The following PIDD1 variants were observed in gnomAD, a reference collection of about 807,000 sequenced individuals.
The protein encoded by PIDD1 is p53-induced death domain-containing protein 1.
A neutral mutation model predicts 80.0 loss-of-function variants in PIDD1; 72 were observed. The ratio of observed to expected loss-of-function variants is 0.90; its 90% confidence interval spans 0.74 to 1.09. The LOEUF (loss-of-function observed/expected upper bound fraction) is 1.09, where lower values mean the gene tolerates loss of function less well. PIDD1 is among the 50% of genes least tolerant of loss of function. PIDD1 has a pLI of 0.00. For missense variants in PIDD1, 1,329 were observed against 1,228.3 expected (o/e 1.08, Z -1.23); for synonymous variants, 655 against 543.5 (o/e 1.21, Z -2.85).
At position 800,631 on chromosome 11, in the gene PIDD1, G is replaced by A. The variant is rs1865213482; in HGVS notation, c.1953C>T (p.Tyr651=). The A allele has an allele frequency of 6.3e-7, 1 of 1,598,078 alleles. No individual in the cohort carries two copies. The highest frequency in any genetic ancestry group is 8.5e-7 in the Non-Finnish European group (1 of 1,177,474). ...CCGTGTCAGAGGGCTCGGGGCCCCG[G>A]TACCGCTCCAGCAGCCGCCGAAGGG... ...DATLRRLLER[Y]RGPEPSDTVE... The change falls in exon 12 of 16, where the codon TAC becomes TAT. Residue 651 remains tyrosine, a synonymous_variant. Transcript: ENST00000347755.
In PIDD1 at chr11:802,717, AG is replaced by A; in HGVS notation, c.883del (p.Leu295TrpfsTer25). 4 of 1,611,924 alleles carry A rather than the reference AG, an allele frequency of 2.5e-6. No homozygotes were observed. The highest frequency in any genetic ancestry group is 3.4e-6 in the Non-Finnish European group (4 of 1,179,452). ...CGGGGCGTCTGGCGAGGCCTCACCC[AG>A]GGGGTTCCCCTGCAGGCGCACAAAG... ...APFVRLQGNP[L>X]GEASPDAPSS... On this transcript the variant is annotated frameshift_variant, in exon 4 of 16. Coordinates refer to ENST00000347755, the MANE Select transcript of PIDD1 (RefSeq NM_145886.4). LOFTEE classifies it high-confidence loss of function.
In PIDD1 at chr11:803,300, T is replaced by C; in HGVS notation, c.583A>G (p.Thr195Ala). 2 of 1,613,160 alleles carry C rather than the reference T, an allele frequency of 1.2e-6. No homozygotes were observed. The highest frequency in any genetic ancestry group is 2.2e-5 in the South Asian group (2 of 91,038). ...TLPPALGALS[T>A]LQRLDLSQNL... is the part of the protein sequence containing the mutation. ...TGAGAGAGATCGAGGCGCTGCAGGGTGGATAGGGCCCCCAGTGCTGGGGGC... is the reference window on the plus strand; with the variant it reads ...TGAGAGAGATCGAGGCGCTGCAGGGCGGATAGGGCCCCCAGTGCTGGGGGC... The change falls in exon 3 of 16, where the codon ACC becomes GCC. Residue 195 changes from threonine to alanine, a missense_variant. By Grantham distance (58) the Thr-to-Ala change is moderately conservative. Coordinates refer to ENST00000347755, the MANE Select transcript of PIDD1 (RefSeq NM_145886.4).
At chr11:805,774 CT>C, upstream of PIDD1, 1 of 728,572 alleles carries the variant, frequency 1.4e-6, no homozygotes, top group East Asian at 1.3e-4. Context: ...GCACTGTCTC[CT>C]TCAATCGCGC....
chr11:803,852 G>C (rs1865578905), intron 2 of PIDD1: 1 of 622,942 alleles, frequency 1.6e-6, no homozygotes, highest in Non-Finnish European at 2.8e-6. Context: ...GGTCTGGAGA[G>C]ACCCCCACTG....
chr11:804,086 G>A lies in PIDD1; in HGVS notation c.295+8C>T, dbSNP rs778725991. 3.1e-6 allele frequency: 5 copies of A among 1,601,130 alleles called. No homozygotes were observed. In the African/African-American group the frequency reaches 6.7e-5, roughly 21 times the overall value. ...ATGGAGACAGGGCCCAGAACAGGTG[G>A]AACTCACCTTTGAGGACCAGGGAGC... On this transcript the variant is annotated splice_region_variant and intron_variant, in intron 2 of 15. Coordinates refer to ENST00000347755, the MANE Select transcript of PIDD1 (RefSeq NM_145886.4).
intron 2 of PIDD1, 35 bp downstream of exon 2, chr11:804,059 A>T: frequency 6.4e-7 from 1 of 1,566,056 alleles, no homozygotes; most frequent in Non-Finnish European, 8.7e-7. Context: ...GCAGAGCGAG[A>T]GATGGAGACA....
At chr11:803,894 G>C in intron 2 of PIDD1, 200 bp downstream of exon 2, 2 of 677,422 alleles carry the variant, frequency 3.0e-6, no homozygotes, top group Admixed American at 5.9e-5. Flanking sequence ...CCAGGGCCCA[G>C]CCAGCCCCAC....
Position 801,091 on chromosome 11 carries a change from G to C in PIDD1, c.1660C>G (p.Leu554Val), listed in dbSNP as rs781392652. The change falls in exon 10 of 16, where the codon CTG becomes GTG. Residue 554 changes from leucine to valine, a missense_variant. Coordinates refer to ENST00000347755, the MANE Select transcript of PIDD1 (RefSeq NM_145886.4). ...GCTGCAGGAGGGGCCCAGTACAACAGGTGCAGGCGGGAGCGGTCCAGACTG... is the reference window on the plus strand; with the variant it reads ...GCTGCAGGAGGGGCCCAGTACAACACGTGCAGGCGGGAGCGGTCCAGACTG... ...GLSLDRSRLH[L>V]LYWAPPAATW... is the part of the protein sequence containing the mutation. 4.4e-6 allele frequency: 7 copies of C among 1,583,942 alleles called. No homozygotes were observed. In the East Asian group the frequency reaches 6.8e-5, roughly 15 times the overall value.
chr11:802,707 G>A lies in PIDD1; in HGVS notation c.894C>T (p.Ala298=). The A allele has an allele frequency of 6.2e-7, 1 of 1,611,618 alleles. No homozygotes were observed. Among genetic ancestry groups the A allele is most frequent in the Non-Finnish European group, 8.5e-7 (1 of 1,179,192 alleles). Reference sequence around the variant, plus strand: ...CTGGTGAACTCGGGGCGTCTGGCGAGGCCTCACCCAGGGGGTTCCCCTGCA... The same window carrying A: ...CTGGTGAACTCGGGGCGTCTGGCGAAGCCTCACCCAGGGGGTTCCCCTGCA... ...VRLQGNPLGE[A]SPDAPSSPVA... is the part of the protein sequence containing the mutation. The change falls in exon 4 of 16, where the codon GCC becomes GCT. Residue 298 remains alanine (A), a synonymous_variant. Coordinates refer to ENST00000347755, the MANE Select transcript of PIDD1 (RefSeq NM_145886.4).
chr11:805,361 C>G (rs1865715318), upstream of PIDD1: 1 of 417,698 alleles, frequency 2.4e-6, no homozygotes, highest in East Asian at 1.6e-4. Flanking sequence ...CCTCCCCGAC[C>G]CGCCTTCCCT....
rs774047344 is a variant in PIDD1 at position 801,330 on chromosome 11, G to A, written c.1518C>T (p.Leu506=). 9 of 1,608,374 alleles carry A rather than the reference G, an allele frequency of 5.6e-6. No homozygotes were observed. The highest frequency in any genetic ancestry group is 7.6e-6 in the Non-Finnish European group (9 of 1,177,600). The change falls in exon 9 of 16, where the codon CTC becomes CTT. Residue 506 remains leucine (L), a synonymous_variant. Transcript: ENST00000347755. ...TCACTGCAGCCTCTGGTTCTCCCAG[G>A]AGGGCCTGCAGCTCTCGGCCAGCCA... ...VRMAGRELQA[L]LGEPEAAVSP...
At chr11:803,073 C>T (rs1865508194) in intron 3 of PIDD1, 101 bp downstream of exon 3, 3 of 1,017,012 alleles carry the variant, frequency 2.9e-6, no homozygotes, top group Middle Eastern at 3.1e-4. Context: ...CAAGAGGCAG[C>T]TGTGGACCAA....
In PIDD1 at chr11:799,845, C is replaced by G. The variant is rs753073557; in HGVS notation, c.2444G>C (p.Arg815Pro). ...AVALHLGVSY[R>P]EVQRIRHEFR... ...CTCGTGCCGGATGCGCTGCACCTCC[C>G]GGTAGGACACCCCCAGGTGCAGGGC... is the stretch of plus-strand genomic sequence containing the variant. Residue 815 changes from arginine (R) to proline (P), a missense_variant, in exon 15 of 16, where the codon CGG becomes CCG. By Grantham distance (103) the Arg-to-Pro change is moderately radical (BLOSUM62 -2). Transcript: ENST00000347755. The G allele has an allele frequency of 8.7e-6, 14 of 1,605,074 alleles. No individual in the cohort carries two copies. The highest frequency in any genetic ancestry group is 1.2e-5 in the Non-Finnish European group (14 of 1,176,726).
chr11:799,353 A>C lies in PIDD1; in HGVS notation c.2687T>G (p.Leu896Arg). The C allele has an allele frequency of 6.2e-7, 1 of 1,610,656 alleles. No individual in the cohort carries two copies. The highest frequency in any genetic ancestry group is 8.5e-7 in the Non-Finnish European group (1 of 1,179,438). The change falls in exon 16 of 16, where the codon CTG (leucine) becomes CGG (arginine). Residue 896 changes from leucine (L) to arginine (R), a missense_variant. By Grantham distance (102) the Leu-to-Arg change is moderately radical. Coordinates refer to ENST00000347755, the MANE Select transcript of PIDD1 (RefSeq NM_145886.4). ...RMGLAPKDPA[L>R]PGSSAPQPPE... ...GGGCTGTGGAGCCGAGGAGCCAGGC[A>C]GAGCGGGGTCCTTGGGGGCCAAGCC...
chr11:800,041 C>G (rs1693908634), intron 14 of PIDD1, 27 bp from the exon 15 acceptor site: 2 of 1,610,046 alleles, frequency 1.2e-6, no homozygotes, highest in Non-Finnish European at 1.7e-6. Flanking sequence ...GTGCATTAAG[C>G]CCTGGGCTCC....
chr11:800,778 C>T lies in PIDD1; in HGVS notation c.1901G>A (p.Cys634Tyr). The T allele has an allele frequency of 6.4e-7, 1 of 1,550,608 alleles. No individual in the cohort carries two copies. Among genetic ancestry groups the T allele is most frequent in the Non-Finnish European group, 8.7e-7 (1 of 1,147,804 alleles). ...RRDPEQVLLQ[C>Y]LPRNKVDATL... is the part of the protein sequence containing the mutation. ...TGCCCCCACCTTGTTTCGGGGCAGGCACTGCAGCAGGACCTGCTCAGGGTC... is the reference window on the plus strand; with the variant it reads ...TGCCCCCACCTTGTTTCGGGGCAGGTACTGCAGCAGGACCTGCTCAGGGTC... The change falls in exon 11 of 16, where the codon TGC becomes TAC. Residue 634 changes from cysteine (C) to tyrosine (Y), a missense_variant. By Grantham distance (194) the Cys-to-Tyr change is radical. Coordinates refer to ENST00000347755, the MANE Select transcript of PIDD1 (RefSeq NM_145886.4).
Position 802,042 on chromosome 11 carries a change from G to C in PIDD1, c.1225C>G (p.Arg409Gly), listed in dbSNP as rs372515243. ...LFTPPQARRCREVVVRTRNDN... is the reference protein window; with the variant it reads ...LFTPPQARRCGEVVVRTRNDN... ...TTCCGGGTCCTGACCACCACTTCAC[G>C]GCAGCGCCGGGCCTGCGGTGGGGTG... The change falls in exon 7 of 16, where the codon CGT becomes GGT. Residue 409 changes from arginine (R) to glycine (G), a missense_variant. Arg to Gly is a moderately radical substitution (Grantham distance 125, BLOSUM62 -2). Transcript: ENST00000347755. 2 of 1,591,128 alleles carry C rather than the reference G, an allele frequency of 1.3e-6. No individual in the cohort carries two copies. The highest frequency in any genetic ancestry group is 2.3e-5 in the East Asian group (1 of 43,862).
rs758773561 is a variant in PIDD1, at chr11:799,906, C to T, written c.2383G>A (p.Val795Met). 2 of 1,612,610 alleles carry T rather than the reference C, an allele frequency of 1.2e-6. No individual in the cohort carries two copies. The highest frequency in any genetic ancestry group is 2.2e-5 in the South Asian group (2 of 91,086). ...CAGTCCAGACCCAGACGCCCAGCCA[C>T]ACTCAGCAGGTTGCTCTGCGTCAGA... ...GFLTQSNLLS[V>M]AGRLGLDWPA... is the part of the protein sequence containing the mutation. The change falls in exon 15 of 16, where the codon GTG becomes ATG. Residue 795 changes from valine to methionine, a missense_variant. By Grantham distance (21) the Val-to-Met change is conservative. Coordinates refer to ENST00000347755, the MANE Select transcript of PIDD1 (RefSeq NM_145886.4).
upstream of PIDD1, among the ~76,000 whole-genome samples, chr11:809,083 A>G (rs1392839767): frequency 6.6e-6 from 1 of 152,052 alleles, no homozygotes; most frequent in East Asian, 1.9e-4. Context: ...TCGCCTCCCT[A>G]TTCACCTCCT....
Sources: gnomAD v4.1 joint callset for allele counts (sites outside exome capture counted in the v4.1 genomes callset) on GRCh38, gnomAD v4.1.1 for gene constraint, MANE v1.5 for transcripts, NCBI Gene and HGNC (gene_info 2026-07-23, HGNC 2026-07-21) for gene names.